The following PBX1 variants were observed in gnomAD, a reference collection of about 807,000 sequenced individuals.
PBX1 encodes the protein pre-B-cell leukemia transcription factor 1.
In PBX1, 6 loss-of-function variants were observed where a neutral mutation model predicts 53.4. The ratio of observed to expected loss-of-function variants is 0.11; its 90% CI spans 0.06 to 0.22. PBX1 has a LOEUF of 0.22. Ranked by LOEUF, PBX1 falls within the 10% of genes least tolerant of loss-of-function variation. The pLI, the probability that PBX1 is intolerant of heterozygous loss-of-function variation, is 1.00. For synonymous variants in PBX1, 204 were observed against 212.3 expected (o/e 0.96, Z 0.34); for missense variants, 251 against 551.4 (o/e 0.46, Z 5.46).
intron 8 of PBX1, 21 bp from the exon 9 acceptor site, chr1:164,846,563 C>T: frequency 1.2e-6 from 2 of 1,610,478 alleles, no homozygotes; most frequent in Admixed American, 3.3e-5. Flanking sequence ...GGACTGACTT[C>T]TCTCCCTTTT....
At chr1:164,776,942 G>GGAGAGA (rs377054240) in intron 2 of PBX1, among the ~76,000 whole-genome samples, 491 of 43,550 alleles carry the variant, frequency 0.011, 88 homozygotes, top group South Asian at 0.018. Flanking sequence ...TGTGGTGGGA[G>GGAGAGA]GAGAGAGAGA....
At chr1:164,738,240 T>C (rs1221736768) in intron 2 of PBX1, among the ~76,000 whole-genome samples, 3 of 152,170 alleles carry the variant, frequency 2.0e-5, no homozygotes, top group Non-Finnish European at 4.4e-5. Flanking sequence ...GTGTGGCATA[T>C]ATTTTCACTT....
At chr1:164,799,051 T>A (rs1232760727) in intron 3 of PBX1, among the ~76,000 whole-genome samples, 1 of 152,110 alleles carries the variant, frequency 6.6e-6, no homozygotes, top group Non-Finnish European at 1.5e-5. Context: ...GACCCCAAAC[T>A]CTCTTTGGCT....
At chr1:164,660,789 C>T (rs1379741697) in intron 2 of PBX1, among the ~76,000 whole-genome samples, 2 of 152,154 alleles carry the variant, frequency 1.3e-5, no homozygotes, top group Non-Finnish European at 1.5e-5. Context: ...ATTATTTCTT[C>T]TTCATTTTAA....
intron 2 of PBX1, among the ~76,000 whole-genome samples, chr1:164,750,254 GTA>G (rs758286359): frequency 1.3e-5 from 2 of 151,630 alleles, no homozygotes; most frequent in Non-Finnish European, 2.9e-5. Flanking sequence ...AAATGCATGT[GTA>G]TATGTCTTTG....
chr1:164,693,203 G>A (rs975238874), intron 2 of PBX1, among the ~76,000 whole-genome samples: 4 of 152,218 alleles, frequency 2.6e-5, no homozygotes, highest in African/African-American at 7.2e-5. Flanking sequence ...TACAAGATGA[G>A]CTGTCTCTGA....
At chr1:164,845,433 G>A (rs1671522585) in intron 8 of PBX1, among the ~76,000 whole-genome samples, 1 of 151,436 alleles carries the variant, frequency 6.6e-6, no homozygotes. Context: ...CAGAGAATGA[G>A]AGGATAGTAC....
At chr1:164,755,945 G>A (rs539628769) in intron 2 of PBX1, among the ~76,000 whole-genome samples, 112 of 149,432 alleles carry the variant, frequency 7.5e-4, no homozygotes, top group African/African-American at 2.5e-3. Flanking sequence ...GGCTCTGGGG[G>A]CCCAAGGTAG....
intron 2 of PBX1, among the ~76,000 whole-genome samples, chr1:164,870,722 T>C (rs1672363577): frequency 1.3e-5 from 2 of 152,190 alleles, no homozygotes; most frequent in African/African-American, 4.8e-5. Context: ...GCTCTACCAT[T>C]CTGTTATTCT....
intron 3 of PBX1, among the ~76,000 whole-genome samples, chr1:164,794,562 T>TG (rs569426352): frequency 9.8e-4 from 150 of 152,294 alleles, no homozygotes; most frequent in African/African-American, 3.5e-3. Flanking sequence ...GCCACAGTGT[T>TG]GGCTCATATA....
At chr1:164,702,081 A>G (rs1663154291) in intron 2 of PBX1, among the ~76,000 whole-genome samples, 1 of 152,194 alleles carries the variant, frequency 6.6e-6, no homozygotes, top group African/African-American at 2.4e-5. Context: ...CCTTTGTTAA[A>G]AGGTATAGCT....
At chr1:164,778,826 A>G (rs1667795294) in intron 2 of PBX1, among the ~76,000 whole-genome samples, 1 of 152,090 alleles carries the variant, frequency 6.6e-6, no homozygotes, top group Non-Finnish European at 1.5e-5. Context: ...GTTCAACCCT[A>G]TTCTTTCTTC....
chr1:164,877,652 G>T (rs553944153), intron 2 of PBX1, among the ~76,000 whole-genome samples: 2 of 151,340 alleles, frequency 1.3e-5, no homozygotes, highest in African/African-American at 4.9e-5. Flanking sequence ...ATTGGAATGA[G>T]ACCTTGTCTC....
intron 2 of PBX1, among the ~76,000 whole-genome samples, chr1:164,576,021 A>T (rs897762809): frequency 6.6e-6 from 1 of 152,220 alleles, no homozygotes; most frequent in Non-Finnish European, 1.5e-5. Context: ...CCCAGCAACA[A>T]TAAAACCCAA....
intron 8 of PBX1, among the ~76,000 whole-genome samples, chr1:164,840,636 C>G (rs549351233): frequency 1.3e-5 from 2 of 152,292 alleles, no homozygotes; most frequent in African/African-American, 4.8e-5. Flanking sequence ...CTGCAACTGT[C>G]AGGTTCCAGT....
At chr1:164,677,124 C>T (rs1222265630) in intron 2 of PBX1, among the ~76,000 whole-genome samples, 1 of 149,622 alleles carries the variant, frequency 6.7e-6, no homozygotes, top group African/African-American at 2.5e-5. Flanking sequence ...CTCGCTCTGT[C>T]GCCCAGGCCG....
At position 164,843,135 on chromosome 1, in the gene PBX1, C is replaced by T. The variant is rs572046977; in HGVS notation, c.1201-3449C>T. 4.6e-5 allele frequency among the ~76,000 whole-genome samples: 7 copies of T among 152,248 alleles called. 1 individual carries two copies. Among genetic ancestry groups the T allele is most frequent in the African/African-American group, 1.4e-4 (6 of 41,560 alleles). ...CACAGCTAGAATGATACAGCTGAAGCAGCCGAAGTGATTTACAGGAAACCC... is the reference window on the plus strand; with the variant it reads ...CACAGCTAGAATGATACAGCTGAAGTAGCCGAAGTGATTTACAGGAAACCC... On this transcript the variant is annotated intron_variant, in intron 8 of 8. Transcript: ENST00000420696.
intron 2 of PBX1, among the ~76,000 whole-genome samples, chr1:164,788,101 G>A (rs574437316): frequency 3.3e-5 from 5 of 152,176 alleles, no homozygotes; most frequent in African/African-American, 7.2e-5. Context: ...GGGAGAGAGC[G>A]CAGGGCACCC....
At chr1:164,613,826 C>G (rs1156337326) in intron 2 of PBX1, among the ~76,000 whole-genome samples, 1 of 152,268 alleles carries the variant, frequency 6.6e-6, no homozygotes, top group East Asian at 1.9e-4. Context: ...CACTCCAAAG[C>G]ATGCTCTAAG....
Sources: gnomAD v4.1 joint callset for allele counts (sites outside exome capture counted in the v4.1 genomes callset) on GRCh38, gnomAD v4.1.1 for gene constraint, MANE v1.5 for transcripts, NCBI Gene and HGNC (gene_info 2026-07-23, HGNC 2026-07-21) for gene names.